Variants in VAPB observed in about 807,000 individuals in gnomAD.
VAPB encodes the protein VAMP associated protein B and C.
A neutral mutation model predicts 25.6 loss-of-function variants in VAPB; 7 were observed. The observed-to-expected ratio is 0.27, with a 90% CI of 0.16 to 0.51. The LOEUF is 0.51. Ranked by LOEUF, VAPB falls within the 20% of genes least tolerant of loss-of-function variation. The pLI is 0.97. For synonymous variants in VAPB, 112 were observed against 109.2 expected (o/e 1.03, Z -0.16); for missense variants, 266 against 301.3 (o/e 0.88, Z 0.87).
rs1206950429 is a variant in VAPB at position 58,449,845 on chromosome 20, T to A, written c.*5610T>A. The A allele has an allele frequency of 8.8e-6, 4 of 453,856 alleles. No individual in the cohort carries two copies. The highest frequency in any genetic ancestry group is 6.2e-5 in the South Asian group (4 of 64,476). 28.1% of individuals were successfully genotyped at this position (453,856 alleles called of 1,614,324 possible). ...CTTGCATTCTGATGAGCTGCAGGAG[T>A]GCGCCTGGCCTTCTGCAGGTGGAGC... On this transcript the variant is annotated 3_prime_UTR_variant, in exon 6 of 6. Coordinates refer to ENST00000475243, the MANE Select transcript of VAPB (RefSeq NM_004738.5).
intron 1 of VAPB, among the ~76,000 whole-genome samples, chr20:58,402,321 C>T (rs1988115196): frequency 6.6e-6 from 1 of 152,124 alleles, no homozygotes; most frequent in African/African-American, 2.4e-5. Flanking sequence ...CATAAAGTAA[C>T]AGTTTTTAGC....
At chr20:58,407,801 C>T (rs1262320785) in intron 1 of VAPB, among the ~76,000 whole-genome samples, 2 of 152,008 alleles carry the variant, frequency 1.3e-5, no homozygotes, top group Non-Finnish European at 2.9e-5. Flanking sequence ...AGATCTAGTT[C>T]ATTCTTTTAA....
At chr20:58,393,860 G>A (rs1295373192) in intron 1 of VAPB, among the ~76,000 whole-genome samples, 1 of 152,144 alleles carries the variant, frequency 6.6e-6, no homozygotes, top group East Asian at 1.9e-4. Flanking sequence ...AGCCTCCCGA[G>A]TAGCTGGGAT....
rs1300401776 is a variant in VAPB at position 58,449,475 on chromosome 20, A to G, written c.*5240A>G. On this transcript the variant is annotated 3_prime_UTR_variant, in exon 6 of 6. Transcript: ENST00000475243. ...TTTCTTAATGGAATTAGTTTATTAG[A>G]AAATGTCTGTGTTAAATCCGTAGAA... 20 of 450,830 alleles carry G rather than the reference A, an allele frequency of 4.4e-5. 1 individual carries two copies. Among genetic ancestry groups the G allele is most frequent in the South Asian group, 3.0e-4 (19 of 63,312 alleles). The allele number at this position is 450,830 out of a possible 1,614,324, so 27.9% of individuals were successfully genotyped here.
rs1171779080 is a variant in VAPB at position 58,448,412 on chromosome 20, T to C, written c.*4177T>C. On this transcript the variant is annotated 3_prime_UTR_variant, in exon 6 of 6. Coordinates refer to ENST00000475243, the MANE Select transcript of VAPB (RefSeq NM_004738.5). ...TTACTGTTGTTTCAATGCCACTCCT[T>C]ACCTGTATAGAACATTTCCAATACA... 2.2e-6 allele frequency: 1 copy of C among 453,996 alleles called. No homozygotes were observed. Among genetic ancestry groups the C allele is most frequent in the Non-Finnish European group, 4.4e-6 (1 of 226,796 alleles). 28.1% of individuals were successfully genotyped at this position (453,996 alleles called of 1,614,324 possible). A position where few individuals can be genotyped will look rare whatever the true frequency, so the allele number is the denominator to read the frequency against.
intron 1 of VAPB, among the ~76,000 whole-genome samples, chr20:58,403,533 A>G (rs1305504620): frequency 6.6e-6 from 1 of 152,104 alleles, no homozygotes. Flanking sequence ...AACCCTTCTT[A>G]GTTCCCCCAG....
rs911421951 is a variant in VAPB, at chr20:58,450,498, T to G, written c.*6263T>G. On this transcript the variant is annotated 3_prime_UTR_variant, in exon 6 of 6. Coordinates refer to ENST00000475243, the MANE Select transcript of VAPB (RefSeq NM_004738.5). ...TATATTTGGTTCTCATTTCTGTTGC[T>G]GTCGTTTCCTTTTTAAAGACGATTT... 7 of 453,932 alleles carry G rather than the reference T, an allele frequency of 1.5e-5. No individual in the cohort carries two copies. Among genetic ancestry groups the G allele is most frequent in the African/African-American group, 1.2e-4 (6 of 49,964 alleles). 28.1% of individuals were successfully genotyped at this position (453,932 alleles called of 1,614,324 possible). A position where few individuals can be genotyped will look rare whatever the true frequency, so the allele number is the denominator to read the frequency against.
intron 2 of VAPB, 142 bp downstream of exon 2, chr20:58,418,505 C>A: frequency 9.4e-7 from 1 of 1,059,248 alleles, no homozygotes; most frequent in Non-Finnish European, 1.3e-6. Flanking sequence ...CCACCCCACC[C>A]CACAACCCTC....
At chr20:58,391,567 T>A (rs1294868758) in intron 1 of VAPB, among the ~76,000 whole-genome samples, 1 of 151,648 alleles carries the variant, frequency 6.6e-6, no homozygotes, top group East Asian at 2.0e-4. Context: ...GAGTTCTCAC[T>A]CTGTCACCCA....
intron 1 of VAPB, among the ~76,000 whole-genome samples, chr20:58,413,166 T>G (rs1183905249): frequency 6.6e-6 from 1 of 151,298 alleles, no homozygotes; most frequent in Non-Finnish European, 1.5e-5. Context: ...AATTTATTTT[T>G]TATTGATAAT....
At position 58,446,007 on chromosome 20, in the gene VAPB, G is replaced by C; in HGVS notation, c.*1772G>C. The C allele has an allele frequency of 2.2e-6, 1 of 454,018 alleles. No homozygotes were observed. Among genetic ancestry groups the C allele is most frequent in the Admixed American group, 2.3e-5 (1 of 42,564 alleles). The allele number at this position is 454,018 out of a possible 1,614,324, so 28.1% of individuals were successfully genotyped here. Reference sequence around the variant, plus strand: ...CCTGGCTCTGTCAAGCTGGGTCAGGGGCCTTGAAACTGGAGAAGTGGAAGT... The same window carrying C: ...CCTGGCTCTGTCAAGCTGGGTCAGGCGCCTTGAAACTGGAGAAGTGGAAGT... On this transcript the variant is annotated 3_prime_UTR_variant, in exon 6 of 6. Coordinates refer to ENST00000475243, the MANE Select transcript of VAPB (RefSeq NM_004738.5).
chr20:58,399,971 A>AT (rs1246854274), intron 1 of VAPB, among the ~76,000 whole-genome samples: 1 of 152,146 alleles, frequency 6.6e-6, no homozygotes, highest in Admixed American at 6.5e-5. Context: ...ATCACTCAGC[A>AT]TTTACAATAT....
At position 58,449,187 on chromosome 20, in the gene VAPB, C is replaced by A. The variant is rs116665485; in HGVS notation, c.*4952C>A. On this transcript the variant is annotated 3_prime_UTR_variant, in exon 6 of 6. Transcript: ENST00000475243. ...ACCTCTTCCTCCAGCCTCTGAATCC[C>A]ATTAGCCACAGCCTAGAACATTAGC... is the stretch of plus-strand genomic sequence containing the variant. The A allele has an allele frequency of 8.8e-6, 4 of 454,144 alleles. No individual in the cohort carries two copies. Among genetic ancestry groups the A allele is most frequent in the African/African-American group, 4.0e-5 (2 of 50,142 alleles). The allele number at this position is 454,144 out of a possible 1,614,324, so 28.1% of individuals were successfully genotyped here.
chr20:58,423,445 A>AAAAAAAAAAAAAAAAAAAAAAC (rs1988717111), intron 2 of VAPB, among the ~76,000 whole-genome samples: 1 of 143,808 alleles, frequency 7.0e-6, no homozygotes, highest in Non-Finnish European at 1.5e-5. Context: ...AAAAAAAAAA[A>AAAAAAAAAAAAAAAAAAAAAAC]AAAAGAAAAG....
At chr20:58,441,375 C>T (rs2123100598) in intron 5 of VAPB, among the ~76,000 whole-genome samples, 1 of 152,254 alleles carries the variant, frequency 6.6e-6, no homozygotes, top group South Asian at 2.1e-4. Flanking sequence ...GGTGCGGTGG[C>T]TCACGCCTGT....
intron 1 of VAPB, among the ~76,000 whole-genome samples, chr20:58,404,224 G>A (rs1234801173): frequency 6.6e-6 from 1 of 151,910 alleles, no homozygotes; most frequent in Non-Finnish European, 1.5e-5. Flanking sequence ...GGATAGGTTC[G>A]TGGCCCAAAT....
Position 58,413,469 on chromosome 20 carries a change from G to C in VAPB, c.59-4742G>C, listed in dbSNP as rs201121992. ...TCAGAGAGCACAGGGTTGGGGGTAA[G>C]GTCACCGATCAACAGGATCCCAAGG... On this transcript the variant is annotated intron_variant, in intron 1 of 5. Transcript: ENST00000475243. 1.2e-4 allele frequency among the ~76,000 whole-genome samples: 18 copies of C among 152,268 alleles called. No individual in the cohort carries two copies. The East Asian group carries it at 3.3e-3, about 28-fold the overall frequency.
In VAPB at chr20:58,440,902, A is replaced by G; in HGVS notation, c.397-5A>G. 1 of 1,612,594 alleles carries G rather than the reference A, an allele frequency of 6.2e-7. No homozygotes were observed. Among genetic ancestry groups the G allele is most frequent in the Non-Finnish European group, 8.5e-7 (1 of 1,179,214 alleles). On this transcript the variant is annotated splice_region_variant and splice_polypyrimidine_tract_variant and intron_variant, in intron 4 of 5. Transcript: ENST00000475243. The stretch of plus-strand genomic sequence containing the variant: ...ACACTTAGGCTTTCATTTGTTTTTG[A>G]ACAGCATGATGTAGAAATAAATAAA...
rs572210894 is a variant in VAPB at position 58,395,277 on chromosome 20, G to T, written c.58+5760G>T. On this transcript the variant is annotated intron_variant, in intron 1 of 5. Coordinates refer to ENST00000475243, the MANE Select transcript of VAPB (RefSeq NM_004738.5). ...AACGATTCTCCTGCCTCAGCCTCCC[G>T]AGTAGCTGGGACTACAGGCACATGC... is the stretch of plus-strand genomic sequence containing the variant. Among the ~76,000 whole-genome samples, 322 of 149,922 alleles carry T rather than the reference G, an allele frequency of 2.1e-3. 1 individual carries two copies. Among genetic ancestry groups the T allele is most frequent in the Middle Eastern group, 3.5e-3 (1 of 288 alleles).
Sources: gnomAD v4.1 joint callset for allele counts (sites outside exome capture counted in the v4.1 genomes callset) on GRCh38, gnomAD v4.1.1 for gene constraint, MANE v1.5 for transcripts, NCBI Gene and HGNC (gene_info 2026-07-23, HGNC 2026-07-21) for gene names.